The following KDM6A variants were observed in gnomAD, a reference collection of about 807,000 sequenced individuals.
The protein encoded by KDM6A is lysine-specific demethylase 6A.
Under a neutral mutation model 117.6 loss-of-function variants are expected in KDM6A, and 11 were observed. The ratio of observed to expected loss-of-function variants is 0.09; its 90% confidence interval spans 0.06 to 0.15. The LOEUF (loss-of-function observed/expected upper bound fraction) is 0.15. KDM6A is among the 10% of genes least tolerant of loss of function. The pLI, the probability that KDM6A is intolerant of heterozygous loss-of-function variation, is 1.00. For synonymous variants in KDM6A, 384 were observed against 396.1 expected (o/e 0.97, Z 0.36); for missense variants, 799 against 1,077.3 (o/e 0.74, Z 3.62).
intron 4 of KDM6A, among the ~76,000 whole-genome samples, chrX:45,010,014 C>T (rs1270429672): frequency 8.9e-6 from 1 of 112,213 alleles, no homozygotes; most frequent in East Asian, 2.8e-4. Flanking sequence ...AAATCAGAGA[C>T]ATTTGTAATT....
rs762533917 is a variant in KDM6A, at chrX:44,985,672, T to C, written c.384+10957T>C. Among the ~76,000 whole-genome samples the C allele has an allele frequency of 2.8e-3, 311 of 112,010 alleles. 1 individual carries two copies. Among genetic ancestry groups the C allele is most frequent in the Non-Finnish European group, 4.9e-3 (263 of 53,198 alleles). Reference sequence around the variant, plus strand: ...TTCTGCATCTATTGAGATAATCATATGGTTTTTGTCGTTGGTTCTGTTATA... The same window carrying C: ...TTCTGCATCTATTGAGATAATCATACGGTTTTTGTCGTTGGTTCTGTTATA... On this transcript the variant is annotated intron_variant, in intron 4 of 29. Coordinates refer to ENST00000611820, the MANE Select transcript of KDM6A (RefSeq NM_001291415.2).
Position 45,010,864 on chromosome X carries a change from G to T in KDM6A, c.385-97G>T, listed in dbSNP as rs1021958755. 8.2e-6 allele frequency: 5 copies of T among 607,575 alleles called. No homozygotes were observed. The Admixed American group carries it at 1.1e-4, about 14-fold the overall frequency. 50.1% of individuals were successfully genotyped at this position (607,575 alleles called of 1,213,427 possible). ...ATTGTAATGCATGATAGAATTTTAG[G>T]ACTTAAAACATCTTGGATACCGTAT... On this transcript the variant is annotated intron_variant, in intron 4 of 29. Transcript: ENST00000611820.
intron 27 of KDM6A, among the ~76,000 whole-genome samples, chrX:45,105,893 T>C (rs1030236660): frequency 9.8e-5 from 11 of 112,312 alleles, no homozygotes; most frequent in African/African-American, 3.6e-4. Context: ...TAGATTCTCA[T>C]AGGAGCAGGA....
At chrX:45,022,081 T>C in intron 6 of KDM6A, among the ~76,000 whole-genome samples, 2 of 112,382 alleles carry the variant, frequency 1.8e-5, no homozygotes, top group Admixed American at 1.9e-4. Flanking sequence ...AGCAGTTTGG[T>C]AAATGTTGCT....
At chrX:45,041,544 T>C (rs2043206814) in intron 8 of KDM6A, among the ~76,000 whole-genome samples, 1 of 106,320 alleles carries the variant, frequency 9.4e-6, no homozygotes, top group Non-Finnish European at 1.9e-5. Context: ...ACAGGGCGGT[T>C]GCCAGGCAGA....
intron 2 of KDM6A, among the ~76,000 whole-genome samples, chrX:44,943,316 G>T (rs866422135): frequency 1.8e-5 from 2 of 110,722 alleles, no homozygotes; most frequent in Admixed American, 9.6e-5. Flanking sequence ...ACATCTAAAA[G>T]AAGTGTATAC....
intron 2 of KDM6A, among the ~76,000 whole-genome samples, chrX:44,940,566 C>T (rs1191477991): frequency 2.7e-5 from 3 of 111,473 alleles, no homozygotes; most frequent in Non-Finnish European, 3.8e-5. Flanking sequence ...ATGATGGGCT[C>T]ATCACTCCCA....
intron 2 of KDM6A, among the ~76,000 whole-genome samples, chrX:44,883,621 G>A (rs1370439255): frequency 1.8e-5 from 2 of 110,230 alleles, no homozygotes; most frequent in African/African-American, 6.6e-5. Flanking sequence ...TGATCCTCCC[G>A]TCTTTGTCTC....
At chrX:45,058,087 C>T (rs6611061) in intron 10 of KDM6A, among the ~76,000 whole-genome samples, 4,649 of 50,033 alleles carry the variant, frequency 0.093, 213 homozygotes, top group Non-Finnish European at 0.11. Context: ...CCCCCCCCCC[C>T]TTTTTTTTTT....
chrX:45,067,642 A>AT (rs2044585482), intron 17 of KDM6A, among the ~76,000 whole-genome samples: 1 of 92,052 alleles, frequency 1.1e-5, no homozygotes, highest in African/African-American at 5.2e-5. Flanking sequence ...ACTGGTGTGT[A>AT]TCTTTTTTTT....
chrX:45,039,311 T>A (rs1013212423), intron 8 of KDM6A, among the ~76,000 whole-genome samples: 3 of 109,875 alleles, frequency 2.7e-5, no homozygotes, highest in Non-Finnish European at 5.7e-5. Context: ...AAGCAGAAGT[T>A]TTTTTAACCT....
At chrX:44,982,400 G>GA (rs1256073340) in intron 4 of KDM6A, among the ~76,000 whole-genome samples, 2 of 110,711 alleles carry the variant, frequency 1.8e-5, no homozygotes, top group Non-Finnish European at 3.8e-5. Flanking sequence ...TTGGGACACC[G>GA]AAAAAAATTG....
rs762577042 is a variant in KDM6A, at chrX:44,873,369, TGCCGCC to T, written c.-170_-165del. 63 of 566,417 alleles carry T rather than the reference TGCCGCC, an allele frequency of 1.1e-4. No individual in the cohort carries two copies. The highest frequency in any genetic ancestry group is 1.5e-4 in the Non-Finnish European group (58 of 384,874). The allele number at this position is 566,417 out of a possible 1,213,427, so 46.7% of individuals were successfully genotyped here. A position where few individuals can be genotyped will look rare whatever the true frequency, so the allele number is the denominator to read the frequency against. ...GCCGACCCGGGGGCTCCGCAGCCCC[TGCCGCC>T]GCCGCCGCCGCCTTCACCGCCGCCG... On this transcript the variant is annotated 5_prime_UTR_variant, in exon 1 of 30. Coordinates refer to ENST00000611820, the MANE Select transcript of KDM6A (RefSeq NM_001291415.2).
At chrX:44,983,266 A>G (rs1026812562) in intron 4 of KDM6A, among the ~76,000 whole-genome samples, 1 of 111,722 alleles carries the variant, frequency 9.0e-6, no homozygotes, top group African/African-American at 3.3e-5. Context: ...TAGGTAGTGG[A>G]TAAACTAGTG....
intron 5 of KDM6A, 76 bp downstream of exon 5, chrX:45,011,095 T>C: frequency 1.3e-6 from 1 of 771,386 alleles, no homozygotes; most frequent in Non-Finnish European, 2.0e-6. Context: ...GTGCTTGATT[T>C]TTTGTGTGTG....
At chrX:44,884,530 C>T (rs938136558) in intron 2 of KDM6A, among the ~76,000 whole-genome samples, 5 of 111,672 alleles carry the variant, frequency 4.5e-5, no homozygotes, top group Non-Finnish European at 9.4e-5. Context: ...ATACATTTCC[C>T]GCAGACTATT....
At chrX:45,068,110 T>TG in intron 17 of KDM6A, among the ~76,000 whole-genome samples, 1 of 111,895 alleles carries the variant, frequency 8.9e-6, no homozygotes, top group East Asian at 2.8e-4. Context: ...ATAAATATCT[T>TG]GTTATCAGCT....
intron 2 of KDM6A, among the ~76,000 whole-genome samples, chrX:44,954,121 A>G (rs1395269471): frequency 9.0e-6 from 1 of 110,744 alleles, no homozygotes; most frequent in Non-Finnish European, 1.9e-5. Context: ...CTCATTAAAA[A>G]AAAAAAGTAT....
intron 8 of KDM6A, among the ~76,000 whole-genome samples, chrX:45,040,139 G>T (rs2043005734): frequency 1.5e-5 from 1 of 64,890 alleles, no homozygotes; most frequent in Admixed American, 1.6e-4. Flanking sequence ...CGGGCGGGGG[G>T]CTGACCCCCC....
Sources: gnomAD v4.1 joint callset for allele counts (sites outside exome capture counted in the v4.1 genomes callset) on GRCh38, gnomAD v4.1.1 for gene constraint, MANE v1.5 for transcripts, NCBI Gene and HGNC (gene_info 2026-07-23, HGNC 2026-07-21) for gene names.